The following IL1RAPL1 variants were observed in gnomAD, a reference collection of about 807,000 sequenced individuals.
IL1RAPL1 encodes interleukin-1 receptor accessory protein-like 1.
In IL1RAPL1, 3 loss-of-function variants were observed where a neutral mutation model predicts 48.4. The observed-to-expected ratio is 0.06, with a 90% CI of 0.03 to 0.16. The LOEUF is 0.16. IL1RAPL1 is among the 10% of genes least tolerant of loss of function. The pLI is 1.00. For synonymous variants in IL1RAPL1, 185 were observed against 187.7 expected, an observed-to-expected ratio of 0.99 and a Z score of 0.12; for missense variants, 349 against 530.6, an observed-to-expected ratio of 0.66 and a Z score of 3.36.
At chrX:29,240,227 T>TTA (rs1931395647) in intron 2 of IL1RAPL1, among the ~76,000 whole-genome samples, 1 of 29,029 alleles carries the variant, frequency 3.4e-5, no homozygotes, top group Admixed American at 3.4e-4. Flanking sequence ...TATATATATT[T>TTA]TTTTTTTTTT....
intron 2 of IL1RAPL1, among the ~76,000 whole-genome samples, chrX:28,895,097 C>T (rs1036052838): frequency 1.8e-5 from 2 of 110,038 alleles, no homozygotes; most frequent in African/African-American, 3.3e-5. Context: ...AAAGAAAGCA[C>T]GTTTGAGATC....
chrX:29,769,427 GTTTTTTTTTTTTTTTTTTT>G (rs749403144), intron 6 of IL1RAPL1, among the ~76,000 whole-genome samples: 1 of 25,886 alleles, frequency 3.9e-5, no homozygotes, highest in Non-Finnish European at 5.7e-5. Flanking sequence ...CTGCCAAACA[GTTTTTTTTTTTTTTTTTTT>G]TTTTTTTTTT....
intron 2 of IL1RAPL1, among the ~76,000 whole-genome samples, chrX:29,143,450 G>A (rs184831121): frequency 9.5e-4 from 106 of 111,925 alleles, no homozygotes; most frequent in Non-Finnish European, 1.8e-3. Flanking sequence ...GTCAGCCACA[G>A]TTCAAAAACA....
At chrX:28,644,804 A>G (rs1934588644) in intron 1 of IL1RAPL1, among the ~76,000 whole-genome samples, 1 of 111,655 alleles carries the variant, frequency 9.0e-6, no homozygotes, top group Non-Finnish European at 1.9e-5. Context: ...GTAACTGTTC[A>G]CACTTTTATT....
chrX:29,816,015 T>A (rs187114516), intron 6 of IL1RAPL1, among the ~76,000 whole-genome samples: 1 of 110,837 alleles, frequency 9.0e-6, no homozygotes, highest in African/African-American at 3.3e-5. Context: ...CTAGAGGGAC[T>A]AGAAAAACAA....
intron 2 of IL1RAPL1, among the ~76,000 whole-genome samples, chrX:28,931,522 C>T (rs1272755637): frequency 9.0e-6 from 1 of 111,516 alleles, no homozygotes; most frequent in Non-Finnish European, 1.9e-5. Context: ...AGCAATATTT[C>T]ATTAGCTATC....
chrX:29,158,889 T>C (rs1181581207), intron 2 of IL1RAPL1, among the ~76,000 whole-genome samples: 2 of 94,304 alleles, frequency 2.1e-5, no homozygotes, highest in African/African-American at 4.7e-5. Flanking sequence ...ACAACCTCTT[T>C]CTTTTCTTTT....
At chrX:29,896,389 C>T (rs1012625317) in intron 6 of IL1RAPL1, among the ~76,000 whole-genome samples, 2 of 111,663 alleles carry the variant, frequency 1.8e-5, no homozygotes, top group Non-Finnish European at 3.8e-5. Flanking sequence ...TTTGGCATAA[C>T]GTGTATCATT....
chrX:29,240,219 TATATA>T (rs1454613216), intron 2 of IL1RAPL1, among the ~76,000 whole-genome samples: 21 of 23,310 alleles, frequency 9.0e-4, no homozygotes, highest in East Asian at 7.4e-3. Flanking sequence ...TATATATATA[TATATA>T]TTTTTTTTTT....
At chrX:28,866,062 C>T (rs746653697) in intron 2 of IL1RAPL1, among the ~76,000 whole-genome samples, 4 of 111,828 alleles carry the variant, frequency 3.6e-5, no homozygotes, top group Non-Finnish European at 3.8e-5. Context: ...ACTAAAGACA[C>T]GGGACTTAGG....
At chrX:29,267,693 A>G (rs1400460177) in intron 2 of IL1RAPL1, among the ~76,000 whole-genome samples, 1 of 112,159 alleles carries the variant, frequency 8.9e-6, no homozygotes, top group Non-Finnish European at 1.9e-5. Flanking sequence ...TTTTCAGTGA[A>G]TATTTTCAGC....
chrX:29,804,454 G>T (rs182183268), intron 6 of IL1RAPL1, among the ~76,000 whole-genome samples: 1 of 111,869 alleles, frequency 8.9e-6, no homozygotes, highest in East Asian at 2.8e-4. Flanking sequence ...GTGGGGCCAG[G>T]TGGAGATAAC....
intron 2 of IL1RAPL1, among the ~76,000 whole-genome samples, chrX:29,204,480 C>T (rs1476329788): frequency 9.0e-6 from 1 of 111,296 alleles, no homozygotes; most frequent in Non-Finnish European, 1.9e-5. Context: ...TGATGCTGAG[C>T]ATTTTTTCCA....
chrX:29,570,097 G>A (rs377003444), intron 5 of IL1RAPL1, among the ~76,000 whole-genome samples: 2 of 111,943 alleles, frequency 1.8e-5, no homozygotes, highest in African/African-American at 3.2e-5. Flanking sequence ...CTCATCAGAC[G>A]GATGCATTCT....
intron 2 of IL1RAPL1, among the ~76,000 whole-genome samples, chrX:29,093,202 G>A (rs1353129959): frequency 2.7e-5 from 3 of 111,345 alleles, no homozygotes. Flanking sequence ...GGTTCAATTG[G>A]CTCACAATTC....
chrX:29,252,989 CTA>C (rs1269054030), intron 2 of IL1RAPL1, among the ~76,000 whole-genome samples: 8 of 110,703 alleles, frequency 7.2e-5, no homozygotes, highest in African/African-American at 2.3e-4. Context: ...CAGAAATAAA[CTA>C]TGTTTTCTGG....
intron 6 of IL1RAPL1, among the ~76,000 whole-genome samples, chrX:29,869,466 A>C (rs1931760319): frequency 8.9e-6 from 1 of 111,801 alleles, no homozygotes. Context: ...CCATAAGATA[A>C]GGTGAGACAA....
intron 5 of IL1RAPL1, among the ~76,000 whole-genome samples, chrX:29,501,141 A>G (rs891181868): frequency 9.0e-6 from 1 of 111,208 alleles, no homozygotes; most frequent in African/African-American, 3.3e-5. Flanking sequence ...TCTTAATCAG[A>G]TTATTTGTTT....
chrX:29,143,879 T>C (rs754035843), intron 2 of IL1RAPL1, among the ~76,000 whole-genome samples: 2 of 112,068 alleles, frequency 1.8e-5, no homozygotes, highest in East Asian at 2.8e-4. Context: ...TTGGAATGTA[T>C]TCCCGTCAGA....
Sources: allele counts gnomAD v4.1 joint callset (sites outside exome capture counted in the v4.1 genomes callset), GRCh38; gene constraint gnomAD v4.1.1; transcripts MANE v1.5; gene names NCBI Gene and HGNC (gene_info 2026-07-23, HGNC 2026-07-21).